The following TRIM15 variants were observed in gnomAD, a reference collection of about 807,000 sequenced individuals.
TRIM15 encodes the protein E3 ubiquitin-protein ligase TRIM15.
TRIM15 carries 35 observed loss-of-function variants against 35.8 expected under a neutral mutation model. The observed-to-expected ratio is 0.98, with a 90% CI of 0.75 to 1.30. TRIM15 has a LOEUF of 1.30. Among genes scored for constraint, TRIM15 ranks in the 50% most tolerant of loss-of-function variants. The pLI is 0.00. For missense variants in TRIM15, 590 were observed against 593.5 expected (o/e 0.99, Z 0.06); for synonymous variants, 252 against 249.8 (o/e 1.01, Z -0.08).
Position 30,163,571 on chromosome 6 carries a change from TTAGC to T in TRIM15, c.-113_-110del. 121 of 1,312,548 alleles carry T rather than the reference TTAGC, an allele frequency of 9.2e-5. No individual in the cohort carries two copies. The highest frequency in any genetic ancestry group is 2.6e-4 in the Middle Eastern group (1 of 3,774). 81.3% of individuals were successfully genotyped at this position (1,312,548 alleles called of 1,614,324 possible). ...CTCTCTCTTTCTCTCTCTCTGTCTC[TTAGC>T]CTTGCAGCCGTTTCCCTCTGCGATT... On this transcript the variant is annotated 5_prime_UTR_variant, in exon 1 of 7. Transcript: ENST00000376694.
In TRIM15 at chr6:30,163,725, C is replaced by CT. The variant is rs774289311; in HGVS notation, c.42dup (p.Ala15CysfsTer129). 1 of 1,612,744 alleles carries CT rather than the reference C, an allele frequency of 6.2e-7. No homozygotes were observed. The highest frequency in any genetic ancestry group is 8.5e-7 in the Non-Finnish European group (1 of 1,179,898). On this transcript the variant is annotated frameshift_variant, in exon 1 of 7. Transcript: ENST00000376694. LOFTEE classifies it high-confidence loss of function. Reference sequence around the variant, plus strand: ...TCCCTGAAGGTGGTCCATGAGCTGCCTGCCTGTACCCTCTGTGCGGGGCCG... The same window carrying CT: ...TCCCTGAAGGTGGTCCATGAGCTGCCTTGCCTGTACCCTCTGTGCGGGGCCG...
Position 30,168,526 on chromosome 6 carries a change from T to C in TRIM15, c.704T>C (p.Leu235Pro). 2 of 1,586,398 alleles carry C rather than the reference T, an allele frequency of 1.3e-6. No individual in the cohort carries two copies. The highest frequency in any genetic ancestry group is 1.7e-6 in the Non-Finnish European group (2 of 1,165,324). ...EKCQQPASEL[L>P]QDVRVNQSRC... ...TGTCAGCAGCCAGCAAGTGAGCTTC[T>C]ACAAGTGAGAGACACTTCACCACTT... The change falls in exon 3 of 7, where the codon CTA becomes CCA. Residue 235 changes from leucine to proline, a missense_variant. Physicochemically the swap from Leu to Pro is moderately conservative, Grantham distance 98. Coordinates refer to ENST00000376694, the MANE Select transcript of TRIM15 (RefSeq NM_033229.3).
chr6:30,171,452 A>G (rs1332565233), intron 6 of TRIM15, among the ~76,000 whole-genome samples: 4 of 152,182 alleles, frequency 2.6e-5, no homozygotes, highest in Non-Finnish European at 5.9e-5. Flanking sequence ...TTGGTGCTTA[A>G]TTTAGAAGTT....
At chr6:30,166,622 T>G (rs1429349418) in intron 1 of TRIM15, among the ~76,000 whole-genome samples, 1 of 147,692 alleles carries the variant, frequency 6.8e-6, no homozygotes, top group Non-Finnish European at 1.5e-5. Context: ...ATAAAGTAGT[T>G]TTTTCTAATT....
chr6:30,170,947 A>T (rs1291243428), intron 5 of TRIM15, 29 bp from the exon 6 acceptor site: 1 of 1,607,550 alleles, frequency 6.2e-7, no homozygotes. Context: ...TAAGTCACAG[A>T]TCTCTCTTTC....
chr6:30,172,126 C>T lies in TRIM15; in HGVS notation c.1175C>T (p.Ser392Leu). 6.3e-7 allele frequency: 1 copy of T among 1,583,112 alleles called. No individual in the cohort carries two copies. Among genetic ancestry groups the T allele is most frequent in the Non-Finnish European group, 8.6e-7 (1 of 1,165,054 alleles). ...AEDGVWAVII[S>L]HQQCWASTSP... Reference sequence around the variant, plus strand: ...GACGGCGTCTGGGCCGTGATCATCTCGCACCAGCAGTGCTGGGCCAGCACC... The same window carrying T: ...GACGGCGTCTGGGCCGTGATCATCTTGCACCAGCAGTGCTGGGCCAGCACC... The change falls in exon 7 of 7, where the codon TCG (serine) becomes TTG (leucine). Residue 392 changes from serine (S) to leucine (L), a missense_variant. Physicochemically the swap from Ser to Leu is moderately radical, Grantham distance 145 (BLOSUM62 -2). Coordinates refer to ENST00000376694, the MANE Select transcript of TRIM15 (RefSeq NM_033229.3).
intron 2 of TRIM15, 83 bp downstream of exon 2, chr6:30,167,354 T>C: frequency 8.6e-7 from 1 of 1,165,458 alleles, no homozygotes; most frequent in Non-Finnish European, 1.3e-6. Flanking sequence ...GGTATCTGTT[T>C]CCTGGCTGAA....
chr6:30,172,689 CA>C lies in TRIM15; in HGVS notation c.*344del, dbSNP rs1774135116. 4.0e-6 allele frequency: 2 copies of C among 496,508 alleles called. No individual in the cohort carries two copies. Among genetic ancestry groups the C allele is most frequent in the Non-Finnish European group, 7.5e-6 (2 of 265,480 alleles). 30.8% of individuals were successfully genotyped at this position (496,508 alleles called of 1,614,324 possible). ...CTAAAATAAAATGTTTAAACTGTTT[CA>C]AAATAATTATCTTGGGAAAAATCAG... On this transcript the variant is annotated 3_prime_UTR_variant, in exon 7 of 7. Coordinates refer to ENST00000376694, the MANE Select transcript of TRIM15 (RefSeq NM_033229.3).
In TRIM15 at chr6:30,172,200, G is replaced by A. The variant is rs1346347745; in HGVS notation, c.1249G>A (p.Val417Ile). 2 of 1,610,638 alleles carry A rather than the reference G, an allele frequency of 1.2e-6. No individual in the cohort carries two copies. Among genetic ancestry groups the A allele is most frequent in the Non-Finnish European group, 1.7e-6 (2 of 1,179,050 alleles). Residue 417 changes from valine to isoleucine, a missense_variant, in exon 7 of 7, where the codon GTC becomes ATC. Coordinates refer to ENST00000376694, the MANE Select transcript of TRIM15 (RefSeq NM_033229.3). ...GAGCGAGATCCCGCGCGGCGTGAGA[G>A]TCGCCCTGGACTACGAGGCGGGGCA... ...PLSEIPRGVR[V>I]ALDYEAGQVT...
At position 30,171,977 on chromosome 6, in the gene TRIM15, G is replaced by C; in HGVS notation, c.1026G>C (p.Pro342=). Residue 342 remains proline, a synonymous_variant, in exon 7 of 7, where the codon CCG becomes CCC. Transcript: ENST00000376694. ...FDGLPAVLGF[P]GFSSGRHRWQ... is the part of the protein sequence containing the mutation. Reference sequence around the variant, plus strand: ...GCCTCCCGGCGGTTCTGGGCTTCCCGGGCTTCTCCTCCGGGCGCCACCGCT... The same window carrying C: ...GCCTCCCGGCGGTTCTGGGCTTCCCCGGCTTCTCCTCCGGGCGCCACCGCT... The C allele has an allele frequency of 1.9e-6, 3 of 1,588,196 alleles. No homozygotes were observed. The highest frequency in any genetic ancestry group is 2.6e-6 in the Non-Finnish European group (3 of 1,166,958).
Position 30,168,539 on chromosome 6 carries a change from C to A in TRIM15, c.708+9C>A, listed in dbSNP as rs1773779179. 1.3e-6 allele frequency: 2 copies of A among 1,570,228 alleles called. No homozygotes were observed. Among genetic ancestry groups the A allele is most frequent in the Non-Finnish European group, 1.7e-6 (2 of 1,156,334 alleles). On this transcript the variant is annotated intron_variant, in intron 3 of 6. Coordinates refer to ENST00000376694, the MANE Select transcript of TRIM15 (RefSeq NM_033229.3). ...CAAGTGAGCTTCTACAAGTGAGAGACACTTCACCACTTTGTAGGATAAGAG... is the reference window on the plus strand; with the variant it reads ...CAAGTGAGCTTCTACAAGTGAGAGAAACTTCACCACTTTGTAGGATAAGAG...
chr6:30,167,334 C>A, intron 2 of TRIM15, 63 bp downstream of exon 2: 1 of 1,364,366 alleles, frequency 7.3e-7, no homozygotes, highest in Non-Finnish European at 1.0e-6. Context: ...TCTGGGGAAA[C>A]CCGTTGGCTG....
chr6:30,172,101 G>A lies in TRIM15; in HGVS notation c.1150G>A (p.Asp384Asn). The A allele has an allele frequency of 6.3e-7, 1 of 1,577,758 alleles. No individual in the cohort carries two copies. The highest frequency in any genetic ancestry group is 8.6e-7 in the Non-Finnish European group (1 of 1,162,196). ...RKGEMGLSAE[D>N]GVWAVIISHQ... ...GGGAGAGATGGGACTCAGCGCCGAG[G>A]ACGGCGTCTGGGCCGTGATCATCTC... The change falls in exon 7 of 7, where the codon GAC (aspartate) becomes AAC (asparagine). Residue 384 changes from aspartate (D) to asparagine (N), a missense_variant. By Grantham distance (23) the Asp-to-Asn change is conservative (BLOSUM62 1). Coordinates refer to ENST00000376694, the MANE Select transcript of TRIM15 (RefSeq NM_033229.3).
At position 30,171,863 on chromosome 6, in the gene TRIM15, C is replaced by A; in HGVS notation, c.912C>A (p.Ser304Arg). 6.3e-7 allele frequency: 1 copy of A among 1,586,212 alleles called. No homozygotes were observed. Among genetic ancestry groups the A allele is most frequent in the Non-Finnish European group, 8.6e-7 (1 of 1,166,068 alleles). The change falls in exon 7 of 7, where the codon AGC becomes AGA. Residue 304 changes from serine to arginine, a missense_variant. Ser to Arg is a moderately radical substitution (Grantham distance 110). Transcript: ENST00000376694. The stretch of plus-strand genomic sequence containing the variant: ...TCACTCTGGACCCTCAGACCGCCAG[C>A]CGGAGCCTGGTTCTCTCGGAAGACA... The part of the protein sequence containing the change: ...GVITLDPQTA[S>R]RSLVLSEDRK...
In TRIM15 at chr6:30,167,094, T is replaced by G; in HGVS notation, c.382-82T>G. 2.4e-6 allele frequency: 3 copies of G among 1,267,024 alleles called. 1 individual carries two copies. The South Asian group carries it at 3.7e-5, about 16-fold the overall frequency. 78.5% of individuals were successfully genotyped at this position (1,267,024 alleles called of 1,614,324 possible). On this transcript the variant is annotated intron_variant, in intron 1 of 6. Transcript: ENST00000376694. ...CTTTGAACCCCTCAGCACTCAACAG[T>G]GTGCCCAGGATGTGATAGTTAATAA...
At chr6:30,167,358 G>A (rs1773680019) in intron 2 of TRIM15, 87 bp downstream of exon 2, 2 of 1,115,470 alleles carry the variant, frequency 1.8e-6, no homozygotes, top group Admixed American at 1.9e-5. Context: ...TCTGTTTCCT[G>A]GCTGAAAAGA....
chr6:30,167,319 G>A, intron 2 of TRIM15, 48 bp downstream of exon 2: 1 of 1,502,450 alleles, frequency 6.7e-7, no homozygotes, highest in African/African-American at 1.4e-5. Context: ...GTTTTCTTAA[G>A]AGACTCTGGG....
rs1442498731 is a variant in TRIM15 at position 30,172,435 on chromosome 6, T to G, written c.*86T>G. On this transcript the variant is annotated 3_prime_UTR_variant, in exon 7 of 7. Coordinates refer to ENST00000376694, the MANE Select transcript of TRIM15 (RefSeq NM_033229.3). ...CCTGGCCAGTGTGCGGCCCGGGGGC[T>G]CCCTGTGCCCGCGTGAGGCGAGAGA... is the stretch of plus-strand genomic sequence containing the variant. 2 of 1,502,582 alleles carry G rather than the reference T, an allele frequency of 1.3e-6. No homozygotes were observed. Among genetic ancestry groups the G allele is most frequent in the Non-Finnish European group, 1.8e-6 (2 of 1,125,482 alleles). The allele number at this position is 1,502,582 out of a possible 1,614,324, so 93.1% of individuals were successfully genotyped here.
intron 1 of TRIM15, among the ~76,000 whole-genome samples, chr6:30,164,907 T>G (rs879632037): frequency 6.6e-6 from 1 of 152,168 alleles, no homozygotes; most frequent in Non-Finnish European, 1.5e-5. Flanking sequence ...CTGTCCGGCC[T>G]CATCGCTCAG....
Sources: gnomAD v4.1 joint callset for allele counts (sites outside exome capture counted in the v4.1 genomes callset) on GRCh38, gnomAD v4.1.1 for gene constraint, MANE v1.5 for transcripts, NCBI Gene and HGNC (gene_info 2026-07-23, HGNC 2026-07-21) for gene names.